The following ARSB variants were observed in gnomAD, a reference collection of about 807,000 sequenced individuals.
ARSB encodes arylsulfatase B, also known as N-acetylgalactosamine-4-sulfatase.
ARSB carries 41 observed loss-of-function variants against 50.9 expected under a neutral mutation model. That is an observed-to-expected ratio of 0.81 (90% CI 0.63 to 1.04). ARSB has a LOEUF of 1.04. Ranked by LOEUF, ARSB falls within the 50% of genes least tolerant of loss-of-function variation. The probability of loss-of-function intolerance (pLI) is 0.00; values close to 1 mark genes in which losing one functional copy is unlikely to be tolerated. For synonymous variants in ARSB, 269 were observed against 284.8 expected (o/e 0.94, Z 0.56); for missense variants, 672 against 693.3 (o/e 0.97, Z 0.35).
rs550994990 is a variant in ARSB at position 78,859,748 on chromosome 5, A to G, written c.1143-20322T>C. Among the ~76,000 whole-genome samples, 6 of 152,214 alleles carry G rather than the reference A, an allele frequency of 3.9e-5. No homozygotes were observed. The South Asian group carries it at 1.2e-3, about 32-fold the overall frequency. On this transcript the variant is annotated intron_variant, in intron 5 of 7. Coordinates refer to ENST00000264914, the MANE Select transcript of ARSB (RefSeq NM_000046.5). ...AAAAAAGAGTGATGATCTTCCATGA[A>G]CTGTCCTTAGAGAGGCACCATTGTG... is the stretch of plus-strand genomic sequence containing the variant.
intron 2 of ARSB, among the ~76,000 whole-genome samples, chr5:78,968,740 C>G (rs996523100): frequency 1.3e-5 from 2 of 152,124 alleles, no homozygotes; most frequent in African/African-American, 2.4e-5. Flanking sequence ...TCTGAGAGTA[C>G]AGCGGTCTCC....
At chr5:78,918,903 G>T (rs1749680395) in intron 4 of ARSB, among the ~76,000 whole-genome samples, 1 of 152,180 alleles carries the variant, frequency 6.6e-6, no homozygotes, top group African/African-American at 2.4e-5. Context: ...CTCTGCCGAT[G>T]AAAGTTACCG....
intron 4 of ARSB, among the ~76,000 whole-genome samples, chr5:78,909,302 T>C (rs138064205): frequency 2.2e-4 from 33 of 152,330 alleles, no homozygotes; most frequent in Middle Eastern, 3.4e-3. Context: ...TTGGGTTTAT[T>C]ATAAAGTAAT....
At chr5:78,866,443 G>T (rs1029921303) in intron 5 of ARSB, among the ~76,000 whole-genome samples, 1 of 152,142 alleles carries the variant, frequency 6.6e-6, no homozygotes, top group Non-Finnish European at 1.5e-5. Context: ...GATGAGATTT[G>T]GGTGGGGACA....
chr5:78,921,508 T>C (rs1749812196), intron 4 of ARSB, among the ~76,000 whole-genome samples: 1 of 152,248 alleles, frequency 6.6e-6, no homozygotes. Flanking sequence ...ATTTTGGATA[T>C]ACGGAATATC....
Position 78,985,136 on chromosome 5 carries a change from C to G in ARSB, c.113G>C (p.Gly38Ala), listed in dbSNP as rs771565704. 3 of 1,464,672 alleles carry G rather than the reference C, an allele frequency of 2.0e-6. No homozygotes were observed. The South Asian group carries it at 4.2e-5, about 21-fold the overall frequency. 90.7% of individuals were successfully genotyped at this position (1,464,672 alleles called of 1,614,324 possible). ...LLLLLAPPGS[G>A]AGASRPPHLV... Reference sequence around the variant, plus strand: ...GTGGGGCGGCCGGCTGGCCCCGGCGCCCGAGCCCGGCGGCGCCAACAACAG... The same window carrying G: ...GTGGGGCGGCCGGCTGGCCCCGGCGGCCGAGCCCGGCGGCGCCAACAACAG... The change falls in exon 1 of 8, where the codon GGC becomes GCC. Residue 38 changes from glycine (G) to alanine (A), a missense_variant. Coordinates refer to ENST00000264914, the MANE Select transcript of ARSB (RefSeq NM_000046.5).
At chr5:78,918,744 A>G (rs184279055) in intron 4 of ARSB, among the ~76,000 whole-genome samples, 1 of 152,236 alleles carries the variant, frequency 6.6e-6, no homozygotes, top group African/African-American at 2.4e-5. Context: ...AATTTTTATC[A>G]AAAGGTCACT....
rs1743970902 is a variant in ARSB at position 78,815,976 on chromosome 5, G to A, written c.1213+23380C>T. The A allele has an allele frequency of 3.9e-6, 6 of 1,552,318 alleles. 1 individual carries two copies. Among genetic ancestry groups the A allele is most frequent in the Non-Finnish European group, 3.5e-6 (4 of 1,149,074 alleles). Reference sequence around the variant, plus strand: ...CAGGTTCCTAGTTCCCGCCTCTTCTGCCACTTCTGCAGGAGCCACCCGAGG... The same window carrying A: ...CAGGTTCCTAGTTCCCGCCTCTTCTACCACTTCTGCAGGAGCCACCCGAGG... On this transcript the variant is annotated intron_variant, in intron 6 of 7. Transcript: ENST00000264914.
intron 6 of ARSB, among the ~76,000 whole-genome samples, chr5:78,811,512 C>A (rs1309716823): frequency 6.6e-6 from 1 of 152,146 alleles, no homozygotes; most frequent in Admixed American, 6.5e-5. Flanking sequence ...GGATTACACA[C>A]AATGGATTTA....
At chr5:78,839,272 A>G in intron 6 of ARSB, 84 bp downstream of exon 6, 1 of 1,331,378 alleles carries the variant, frequency 7.5e-7, no homozygotes, top group Non-Finnish European at 1.1e-6. Context: ...AAAAAGAGAA[A>G]GCTAGGCTAG....
chr5:78,952,318 C>G (rs1393355273), intron 4 of ARSB, among the ~76,000 whole-genome samples: 1 of 128,888 alleles, frequency 7.8e-6, no homozygotes, highest in African/African-American at 2.9e-5. Flanking sequence ...CCACCTCTTC[C>G]CATGCACTCT....
At chr5:78,789,097 T>A (rs897281620) in intron 6 of ARSB, among the ~76,000 whole-genome samples, 3 of 152,234 alleles carry the variant, frequency 2.0e-5, no homozygotes, top group East Asian at 1.9e-4. Context: ...GCACAAGGCA[T>A]CCTCTTGACC....
At chr5:78,901,748 A>G (rs1748817422) in intron 4 of ARSB, among the ~76,000 whole-genome samples, 1 of 152,240 alleles carries the variant, frequency 6.6e-6, no homozygotes, top group Admixed American at 6.5e-5. Flanking sequence ...ATACACAAAA[A>G]TAGATGGTCA....
At chr5:78,863,284 G>A (rs1355853059) in intron 5 of ARSB, among the ~76,000 whole-genome samples, 1 of 152,152 alleles carries the variant, frequency 6.6e-6, no homozygotes, top group African/African-American at 2.4e-5. Flanking sequence ...TATAAATCAT[G>A]CTACTATAAA....
At chr5:78,833,786 A>C (rs56377744) in intron 6 of ARSB, among the ~76,000 whole-genome samples, 39,474 of 152,172 alleles carry the variant, frequency 0.26, 5,724 homozygotes, top group Middle Eastern at 0.41. Flanking sequence ...AAAAGGGATG[A>C]AGTTGGGCAG....
intron 4 of ARSB, among the ~76,000 whole-genome samples, chr5:78,921,934 T>G (rs907492097): frequency 7.9e-5 from 12 of 152,104 alleles, no homozygotes; most frequent in African/African-American, 2.7e-4. Context: ...ATTGTGGGAC[T>G]GTGCACTGGA....
chr5:78,970,603 G>A (rs931491302), intron 1 of ARSB, among the ~76,000 whole-genome samples: 3 of 152,116 alleles, frequency 2.0e-5, no homozygotes, highest in African/African-American at 7.2e-5. Context: ...ATGAGGAAAA[G>A]TAAAGAAGGA....
chr5:78,937,900 T>C (rs1312218168), intron 4 of ARSB, among the ~76,000 whole-genome samples: 1 of 152,172 alleles, frequency 6.6e-6, no homozygotes, highest in Non-Finnish European at 1.5e-5. Flanking sequence ...ATGAGGATGA[T>C]TCCATTTCCA....
intron 5 of ARSB, among the ~76,000 whole-genome samples, chr5:78,877,942 T>C (rs1348255490): frequency 6.6e-6 from 1 of 152,098 alleles, no homozygotes; most frequent in Non-Finnish European, 1.5e-5. Context: ...AAGACCCAAG[T>C]GGAGCTTCAA....
Sources: allele counts gnomAD v4.1 joint callset (sites outside exome capture counted in the v4.1 genomes callset), GRCh38; gene constraint gnomAD v4.1.1; transcripts MANE v1.5; gene names NCBI Gene and HGNC (gene_info 2026-07-23, HGNC 2026-07-21).